The following ADGRL2 variants were observed in gnomAD, a reference collection of about 807,000 sequenced individuals.
ADGRL2 encodes the protein calcium-independent alpha-latrotoxin receptor 2.
Under a neutral mutation model 157.4 loss-of-function variants are expected in ADGRL2, and 44 were observed. The observed-to-expected ratio is 0.28, with a 90% confidence interval of 0.22 to 0.36. The LOEUF (loss-of-function observed/expected upper bound fraction) is 0.36. Among genes scored for constraint, ADGRL2 ranks in the 10% least tolerant of loss-of-function variants. ADGRL2 has a pLI of 1.00. For missense variants in ADGRL2, 1,510 were observed against 1,768.9 expected, an observed-to-expected ratio of 0.85 and a Z score of 2.63; for synonymous variants, 585 against 624.7, an observed-to-expected ratio of 0.94 and a Z score of 0.95.
At chr1:81,505,207 C>T (rs1402179756) in intron 2 of ADGRL2, 1 of 519,920 alleles carries the variant, frequency 1.9e-6, no homozygotes, top group Non-Finnish European at 3.7e-6. Flanking sequence ...CCCACACACA[C>T]ACACACACAC....
chr1:81,506,997 A>G (rs2078988142), intron 2 of ADGRL2, among the ~76,000 whole-genome samples: 1 of 152,180 alleles, frequency 6.6e-6, no homozygotes, highest in Admixed American at 6.5e-5. Flanking sequence ...CAGACTGTGT[A>G]ATTAGGAGGA....
At chr1:81,936,599 A>T in intron 3 of ADGRL2, 129 bp from the exon 4 acceptor site, 2 of 518,962 alleles carry the variant, frequency 3.9e-6, no homozygotes, top group Non-Finnish European at 6.9e-6. Context: ...AGAGTAACTT[A>T]ACATCACTTG....
At chr1:81,470,554 T>C (rs1389807212) in intron 2 of ADGRL2, among the ~76,000 whole-genome samples, 2 of 152,230 alleles carry the variant, frequency 1.3e-5, no homozygotes, top group Non-Finnish European at 2.9e-5. Context: ...GGCACTTTTC[T>C]ATGACAGCTT....
intron 18 of ADGRL2, chr1:81,981,107 C>A: frequency 4.5e-6 from 2 of 447,312 alleles, no homozygotes; most frequent in Admixed American, 3.1e-5. Flanking sequence ...CTCTTTTCTG[C>A]TTATAATGCT....
intron 2 of ADGRL2, among the ~76,000 whole-genome samples, chr1:81,771,616 C>T (rs2086371823): frequency 6.6e-6 from 1 of 152,188 alleles, no homozygotes; most frequent in Admixed American, 6.5e-5. Flanking sequence ...AGAATTCACA[C>T]ACTCTTAATG....
intron 1 of ADGRL2, among the ~76,000 whole-genome samples, chr1:81,333,398 A>C (rs1661403550): frequency 7.1e-6 from 1 of 141,592 alleles, no homozygotes; most frequent in Admixed American, 7.0e-5. Flanking sequence ...CTTTTTAATT[A>C]ATTAATTAAT....
intron 1 of ADGRL2, among the ~76,000 whole-genome samples, chr1:81,357,140 G>A (rs907488541): frequency 8.6e-5 from 13 of 151,942 alleles, no homozygotes; most frequent in Non-Finnish European, 1.8e-4. Context: ...ATCCTGGGTC[G>A]CTCCTCCTCT....
intron 2 of ADGRL2, among the ~76,000 whole-genome samples, chr1:81,888,120 G>A (rs1013670297): frequency 6.6e-6 from 1 of 152,160 alleles, no homozygotes; most frequent in African/African-American, 2.4e-5. Flanking sequence ...AAGTAGTAAT[G>A]TGATTGTTGA....
chr1:81,809,606 G>A (rs367632004), intron 1 of ADGRL2, among the ~76,000 whole-genome samples: 13 of 151,988 alleles, frequency 8.6e-5, no homozygotes, highest in African/African-American at 2.9e-4. Flanking sequence ...TCATACTAGC[G>A]AAGAAGGATG....
chr1:81,938,975 G>A (rs900141171), intron 4 of ADGRL2, among the ~76,000 whole-genome samples: 2 of 151,166 alleles, frequency 1.3e-5, no homozygotes, highest in Non-Finnish European at 3.0e-5. Flanking sequence ...TCTTTTACAC[G>A]TTACTTAGTT....
At chr1:81,921,698 A>G (rs2094983051) in intron 3 of ADGRL2, among the ~76,000 whole-genome samples, 1 of 152,226 alleles carries the variant, frequency 6.6e-6, no homozygotes, top group Non-Finnish European at 1.5e-5. Flanking sequence ...TAGAAGTATA[A>G]TATGAGGATA....
chr1:81,504,388 T>C (rs925488223), intron 2 of ADGRL2, among the ~76,000 whole-genome samples: 8 of 152,236 alleles, frequency 5.3e-5, no homozygotes, highest in African/African-American at 1.9e-4. Flanking sequence ...CACGTGCCGA[T>C]GTCAGGTTCA....
chr1:81,729,014 T>C (rs2084633902), intron 1 of ADGRL2, among the ~76,000 whole-genome samples: 1 of 152,008 alleles, frequency 6.6e-6, no homozygotes, highest in South Asian at 2.1e-4. Context: ...TTAGATCTGA[T>C]AAACATCCCA....
chr1:81,707,450 C>T lies in ADGRL2; in HGVS notation c.-143+7642C>T, dbSNP rs142008907. On this transcript the variant is annotated intron_variant, in intron 1 of 20. Coordinates refer to the ADGRL2 transcript ENST00000359929. ...ATAGGAAAAGGCCTTGATGATAATCCTTTCACGTAAAAGTGTGTTCCTTGG... is the reference window on the plus strand; with the variant it reads ...ATAGGAAAAGGCCTTGATGATAATCTTTTCACGTAAAAGTGTGTTCCTTGG... 1.6e-3 allele frequency among the ~76,000 whole-genome samples: 243 copies of T among 152,184 alleles called. 3 individuals are homozygous for T. The highest frequency in any genetic ancestry group is 5.6e-3 in the African/African-American group (234 of 41,522).
At chr1:81,457,248 CT>C (rs1286884457) in intron 2 of ADGRL2, among the ~76,000 whole-genome samples, 1 of 152,092 alleles carries the variant, frequency 6.6e-6, no homozygotes, top group Non-Finnish European at 1.5e-5. Flanking sequence ...CCACAGAAAC[CT>C]TTGCTCAGTA....
intron 1 of ADGRL2, among the ~76,000 whole-genome samples, chr1:81,824,977 C>CTCTCTCTCTCTCTG (rs1441044571): frequency 3.4e-5 from 5 of 146,602 alleles, no homozygotes; most frequent in African/African-American, 4.9e-5. Flanking sequence ...CTCTCTCTCT[C>CTCTCTCTCTCTCTG]TCTCTGTCTT....
At chr1:81,416,579 G>A (rs1000928749) in intron 1 of ADGRL2, among the ~76,000 whole-genome samples, 17 of 151,884 alleles carry the variant, frequency 1.1e-4, no homozygotes, top group Non-Finnish European at 1.2e-4. Context: ...CTATTTTAAC[G>A]TTCACATTTT....
intron 1 of ADGRL2, among the ~76,000 whole-genome samples, chr1:81,755,963 G>T (rs2085675288): frequency 6.6e-6 from 1 of 152,188 alleles, no homozygotes; most frequent in South Asian, 2.1e-4. Context: ...ATTAAATTAG[G>T]TTCCTCATTT....
At chr1:81,680,534 G>GATCT (rs2148951865) in intron 3 of ADGRL2, among the ~76,000 whole-genome samples, 1 of 152,076 alleles carries the variant, frequency 6.6e-6, no homozygotes, top group South Asian at 2.1e-4. Flanking sequence ...TTACACTGAT[G>GATCT]ATCTCATCAG....
Sources: gnomAD v4.1 joint callset for allele counts (sites outside exome capture counted in the v4.1 genomes callset) on GRCh38, gnomAD v4.1.1 for gene constraint, MANE v1.5 for transcripts, NCBI Gene and HGNC (gene_info 2026-07-23, HGNC 2026-07-21) for gene names.